The following BCO1 variants were observed in gnomAD, a reference collection of about 807,000 sequenced individuals.
BCO1 encodes beta-carotene oxygenase 1.
In BCO1, 54 loss-of-function variants were observed where a neutral mutation model predicts 56.3. The observed-to-expected ratio is 0.96, with a 90% CI of 0.77 to 1.20. The LOEUF (loss-of-function observed/expected upper bound fraction) is 1.20. BCO1 is among the 50% of genes most tolerant of loss of function. The probability of loss-of-function intolerance (pLI) is 0.00; values close to 1 mark genes in which losing one functional copy is unlikely to be tolerated. For missense variants in BCO1, 801 were observed against 690.9 expected (o/e 1.16, Z -1.79); for synonymous variants, 318 against 266.1 (o/e 1.20, Z -1.90).
chr16:81,270,719 T>TGTGTGTGTGTGA (rs1567458013), intron 7 of BCO1, among the ~76,000 whole-genome samples: 2 of 151,608 alleles, frequency 1.3e-5, no homozygotes, highest in Non-Finnish European at 2.9e-5. Flanking sequence ...TGTGTGTGTG[T>TGTGTGTGTGTGA]GAATCTTCAT....
rs761422484 is a variant in BCO1 at position 81,259,638 on chromosome 16, G to A, written c.194-38G>A. 16 of 1,614,094 alleles carry A rather than the reference G, an allele frequency of 9.9e-6. No individual in the cohort carries two copies. The South Asian group carries it at 1.8e-4, about 18-fold the overall frequency. On this transcript the variant is annotated intron_variant, in intron 2 of 10. Coordinates refer to ENST00000258168, the MANE Select transcript of BCO1 (RefSeq NM_017429.3). Reference sequence around the variant, plus strand: ...GACATTGATTTTAAAGCCCTGTGAAGGCGTCAGCCTGAGATTATGCTGGTT... The same window carrying A: ...GACATTGATTTTAAAGCCCTGTGAAAGCGTCAGCCTGAGATTATGCTGGTT...
chr16:81,245,655 G>A, intron 2 of BCO1, 52 bp downstream of exon 2: 1 of 1,611,716 alleles, frequency 6.2e-7, no homozygotes, highest in Non-Finnish European at 8.5e-7. Flanking sequence ...GACCCCAAAT[G>A]CAGTGCCTTA....
At chr16:81,250,326 T>C (rs1905712397) in intron 2 of BCO1, among the ~76,000 whole-genome samples, 1 of 151,988 alleles carries the variant, frequency 6.6e-6, no homozygotes, top group Non-Finnish European at 1.5e-5. Context: ...CCTCCCCATC[T>C]CTCCATCCCA....
rs1190411487 is a variant in BCO1 at position 81,264,668 on chromosome 16, A to G, written c.500A>G (p.Asn167Ser). 6.2e-7 allele frequency: 1 copy of G among 1,614,192 alleles called. No individual in the cohort carries two copies. Among genetic ancestry groups the G allele is most frequent in the East Asian group, 2.2e-5 (1 of 44,892 alleles). ...GATTATCGTAAATACGTGGCGGTAAATCTGGCAACGTCACATCCCCATTAT... is the reference window on the plus strand; with the variant it reads ...GATTATCGTAAATACGTGGCGGTAAGTCTGGCAACGTCACATCCCCATTAT... ...KVDYRKYVAV[N>S]LATSHPHYDE... The change falls in exon 5 of 11, where the codon AAT (asparagine) becomes AGT (serine). Residue 167 changes from asparagine (N) to serine (S), a missense_variant. Transcript: ENST00000258168.
At chr16:81,280,004 T>C (rs9931718) in intron 7 of BCO1, among the ~76,000 whole-genome samples, 36,024 of 152,000 alleles carry the variant, frequency 0.24, 4,467 homozygotes, top group Middle Eastern at 0.37. Context: ...GGCTCACGCC[T>C]GTAATCCCAG....
chr16:81,278,140 C>G (rs923747646), intron 7 of BCO1, among the ~76,000 whole-genome samples: 2 of 152,176 alleles, frequency 1.3e-5, no homozygotes, highest in African/African-American at 4.8e-5. Flanking sequence ...CTCCCAGGTT[C>G]AAGCGATTCT....
chr16:81,270,186 A>G lies in BCO1; in HGVS notation c.871A>G (p.Thr291Ala). ...KTYIHIIDQRTRQPVQTKFYT... is the reference protein window; with the variant it reads ...KTYIHIIDQRARQPVQTKFYT... ...TTATATCCACATCATCGACCAAAGG[A>G]CCAGGCAGCCTGTGCAGACCAAGTT... The change falls in exon 7 of 11, where the codon ACC becomes GCC. Residue 291 changes from threonine to alanine, a missense_variant. Thr to Ala is a moderately conservative substitution (Grantham distance 58, BLOSUM62 0). Coordinates refer to ENST00000258168, the MANE Select transcript of BCO1 (RefSeq NM_017429.3). 3 of 1,614,094 alleles carry G rather than the reference A, an allele frequency of 1.9e-6. No homozygotes were observed. The highest frequency in any genetic ancestry group is 2.5e-6 in the Non-Finnish European group (3 of 1,180,020).
At chr16:81,274,038 G>A (rs921843997) in intron 7 of BCO1, among the ~76,000 whole-genome samples, 2 of 152,112 alleles carry the variant, frequency 1.3e-5, no homozygotes, top group East Asian at 1.9e-4. Context: ...CAGAAGCACC[G>A]CAGTGCAGCC....
chr16:81,270,686 C>G (rs866844647), intron 7 of BCO1, among the ~76,000 whole-genome samples: 2 of 29,566 alleles, frequency 6.8e-5, no homozygotes, highest in Admixed American at 3.6e-4. Context: ...GTCTCTCTCT[C>G]TGTGTCTGTG....
chr16:81,275,327 G>A (rs985686458), intron 7 of BCO1, among the ~76,000 whole-genome samples: 7 of 152,198 alleles, frequency 4.6e-5, no homozygotes, highest in Admixed American at 3.3e-4. Flanking sequence ...CCCCATGTCC[G>A]GGCCTTGGCT....
rs1906936424 is a variant in BCO1, at chr16:81,267,986, C to G, written c.698C>G (p.Pro233Arg). 9 of 1,614,028 alleles carry G rather than the reference C, an allele frequency of 5.6e-6. No homozygotes were observed. Among genetic ancestry groups the G allele is most frequent in the Non-Finnish European group, 7.6e-6 (9 of 1,180,032 alleles). The change falls in exon 6 of 11, where the codon CCA becomes CGA. Residue 233 changes from proline (P) to arginine (R), a missense_variant. By Grantham distance (103) the Pro-to-Arg change is moderately radical (BLOSUM62 -2). Coordinates refer to ENST00000258168, the MANE Select transcript of BCO1 (RefSeq NM_017429.3). ...CSIPSRSLLS[P>R]SYYHSFGVTE... is the part of the protein sequence containing the mutation. ...ATCCCATCCCGCTCCCTGCTCTCCCCAAGCTACTACCACAGCTTTGGAGTC... is the reference window on the plus strand; with the variant it reads ...ATCCCATCCCGCTCCCTGCTCTCCCGAAGCTACTACCACAGCTTTGGAGTC...
In BCO1 at chr16:81,244,032, C is replaced by G. The variant is rs79806263; in HGVS notation, c.65-1443C>G. On this transcript the variant is annotated intron_variant, in intron 1 of 10. Transcript: ENST00000258168. The stretch of plus-strand genomic sequence containing the variant: ...TTGTCCCCCAATTCTGCATCCATCA[C>G]TGGGTGAGAGCAGCTTCCAGGGGCA... 2.4e-3 allele frequency among the ~76,000 whole-genome samples: 365 copies of G among 152,364 alleles called. 11 individuals carry two copies. In the East Asian group the frequency reaches 0.058, roughly 24 times the overall value.
At chr16:81,247,683 T>A (rs1212416758) in intron 2 of BCO1, among the ~76,000 whole-genome samples, 1 of 151,680 alleles carries the variant, frequency 6.6e-6, no homozygotes, top group Non-Finnish European at 1.5e-5. Flanking sequence ...TGCGCCACCA[T>A]ACTCAGCTAA....
intron 10 of BCO1, among the ~76,000 whole-genome samples, chr16:81,289,861 C>T (rs964709866): frequency 2.6e-5 from 4 of 152,052 alleles, no homozygotes; most frequent in East Asian, 1.9e-4. Flanking sequence ...TTTGTTCATT[C>T]GTTTGTTTGT....
intron 4 of BCO1, chr16:81,263,393 G>A (rs577678393): frequency 5.3e-5 from 8 of 152,288 alleles, no homozygotes; most frequent in East Asian, 3.9e-4. Flanking sequence ...ACCCAACCAT[G>A]TTCTGCCTTT....
intron 8 of BCO1, 133 bp downstream of exon 8, chr16:81,281,095 G>C (rs1907856725): frequency 4.3e-6 from 3 of 700,990 alleles, no homozygotes; most frequent in Admixed American, 4.8e-5. Context: ...GGGATGCCCT[G>C]GTGAAAAGCA....
chr16:81,243,535 C>G (rs1905233249), intron 1 of BCO1, among the ~76,000 whole-genome samples: 1 of 152,162 alleles, frequency 6.6e-6, no homozygotes, highest in South Asian at 2.1e-4. Flanking sequence ...GTGGCGTGAT[C>G]TCAGCTCACT....
chr16:81,240,743 G>T (rs749168866), intron 1 of BCO1, among the ~76,000 whole-genome samples: 21 of 151,942 alleles, frequency 1.4e-4, no homozygotes, highest in Admixed American at 2.0e-4. Context: ...CCCCAGCCTG[G>T]CCAACCTGGT....
At chr16:81,271,754 C>G (rs1217999794) in intron 7 of BCO1, among the ~76,000 whole-genome samples, 1 of 151,774 alleles carries the variant, frequency 6.6e-6, no homozygotes, top group Admixed American at 6.6e-5. Flanking sequence ...TTGGTTTTTG[C>G]TTGTTTGTTT....
Sources: allele counts gnomAD v4.1 joint callset (sites outside exome capture counted in the v4.1 genomes callset), GRCh38; gene constraint gnomAD v4.1.1; transcripts MANE v1.5; gene names NCBI Gene and HGNC (gene_info 2026-07-23, HGNC 2026-07-21).